The following DRC11 variants were observed in gnomAD, a reference collection of about 807,000 sequenced individuals.
The protein encoded by DRC11 is dynein regulatory complex subunit 11, also known as IQ and AAA domain-containing protein 1.
chr2:236,397,235 T>C, the DRC11 span, among the ~76,000 whole-genome samples: 1 of 152,250 alleles, frequency 6.6e-6, no homozygotes, highest in Non-Finnish European at 1.5e-5. The surrounding 1 kb of genome is among the most constrained non-coding windows in gnomAD (Gnocchi z 5.0). Flanking sequence ...ATGTCAGACA[T>C]GAGCCCCTGA....
At chr2:236,325,540 A>T in the DRC11 span, among the ~76,000 whole-genome samples, 11 of 151,246 alleles carry the variant, frequency 7.3e-5, no homozygotes. The surrounding 1 kb of genome is among the most constrained non-coding windows in gnomAD (Gnocchi z 4.4). Flanking sequence ...TTTACTTGGT[A>T]TTGCTAAATT....
the DRC11 span, chr2:236,367,411 G>C: frequency 4.0e-5 from 6 of 151,402 alleles, no homozygotes; most frequent in African/African-American, 1.2e-4. The surrounding 1 kb of genome is among the most constrained non-coding windows in gnomAD (Gnocchi z 4.8). Context: ...AAGTTCTGAA[G>C]TCTTAAGTTC....
chr2:236,330,548 GA>G, the DRC11 span, among the ~76,000 whole-genome samples: 1 of 152,170 alleles, frequency 6.6e-6, no homozygotes. The surrounding 1 kb of genome is among the most constrained non-coding windows in gnomAD (Gnocchi z 5.5). Flanking sequence ...AGATTTGATG[GA>G]AAAGTGATGT....
chr2:236,491,163 A>ATATATATATACACAG, the DRC11 span, among the ~76,000 whole-genome samples: 8 of 75,032 alleles, frequency 1.1e-4, no homozygotes, highest in East Asian at 5.6e-4. Context: ...CACACAGTAT[A>ATATATATATACACAG]TATATATATA....
chr2:236,459,498 T>TATAC, the DRC11 span, among the ~76,000 whole-genome samples: 1 of 123,156 alleles, frequency 8.1e-6, no homozygotes, highest in African/African-American at 2.9e-5. Context: ...TATACGTATA[T>TATAC]ATGTATACGT....
At chr2:236,409,683 T>C in the DRC11 span, among the ~76,000 whole-genome samples, 1 of 152,048 alleles carries the variant, frequency 6.6e-6, no homozygotes, top group African/African-American at 2.4e-5. Context: ...CCCTGTCTTG[T>C]GCCCGTTTTC....
the DRC11 span, among the ~76,000 whole-genome samples, chr2:236,327,359 A>G: frequency 0.32 from 48,176 of 150,788 alleles, 9,787 homozygotes; most frequent in African/African-American, 0.58. Context: ...CAGGTTCAAG[A>G]ATTCTCCTGC....
chr2:236,438,791 A>T, the DRC11 span, among the ~76,000 whole-genome samples: 2 of 152,090 alleles, frequency 1.3e-5, no homozygotes, highest in Non-Finnish European at 2.9e-5. Flanking sequence ...CACCACACCT[A>T]TTCCAAAATT....
At chr2:236,355,057 C>T in the DRC11 span, among the ~76,000 whole-genome samples, 3 of 152,190 alleles carry the variant, frequency 2.0e-5, no homozygotes, top group African/African-American at 7.2e-5. Context: ...TCCTATGTGT[C>T]GGGGTCTAGG....
the DRC11 span, among the ~76,000 whole-genome samples, chr2:236,357,792 A>G: frequency 1.6e-5 from 2 of 126,666 alleles, no homozygotes; most frequent in Non-Finnish European, 3.1e-5. Flanking sequence ...TTATATATAC[A>G]TATACTATAT....
the DRC11 span, among the ~76,000 whole-genome samples, chr2:236,307,410 A>T: frequency 6.6e-6 from 1 of 152,066 alleles, no homozygotes; most frequent in African/African-American, 2.4e-5. The surrounding 1 kb of genome is among the most constrained non-coding windows in gnomAD (Gnocchi z 7.0). Flanking sequence ...GTGCCTGCAG[A>T]CCCCTGTCCC....
the DRC11 span, among the ~76,000 whole-genome samples, chr2:236,362,175 C>G: frequency 6.6e-6 from 1 of 152,088 alleles, no homozygotes; most frequent in African/African-American, 2.4e-5. The surrounding 1 kb of genome is among the most constrained non-coding windows in gnomAD (Gnocchi z 5.7). Flanking sequence ...CCTCAAAATT[C>G]TCAGAAATTT....
the DRC11 span, among the ~76,000 whole-genome samples, chr2:236,407,091 T>C: frequency 6.6e-6 from 1 of 152,208 alleles, no homozygotes; most frequent in Non-Finnish European, 1.5e-5. Context: ...CATTTTACTT[T>C]CTGCTCATGC....
At chr2:236,357,000 T>TTATTCATATATTATATATCTATA in the DRC11 span, among the ~76,000 whole-genome samples, 1 of 67,864 alleles carries the variant, frequency 1.5e-5, no homozygotes, top group Non-Finnish European at 3.6e-5. Context: ...ATCTATATAT[T>TTATTCATATATTATATATCTATA]TATATATTCA....
the DRC11 span, among the ~76,000 whole-genome samples, chr2:236,492,022 C>T: frequency 5.8e-4 from 88 of 152,252 alleles, no homozygotes; most frequent in African/African-American, 1.9e-3. Context: ...ATGAGCTCAC[C>T]GCCTTACTTC....
chr2:236,499,732 C>G, the DRC11 span, among the ~76,000 whole-genome samples: 1 of 152,202 alleles, frequency 6.6e-6, no homozygotes, highest in African/African-American at 2.4e-5. This position sits in a 1 kb window ranked among gnomAD's most constrained non-coding sequence, Gnocchi z 4.7. Context: ...GCCTGGCCTC[C>G]TGCATTTTCT....
At chr2:236,491,135 ATATACAG>A in the DRC11 span, among the ~76,000 whole-genome samples, 35 of 109,030 alleles carry the variant, frequency 3.2e-4, no homozygotes, top group African/African-American at 1.1e-3. Context: ...ATATATATAT[ATATACAG>A]TATATATATA....
the DRC11 span, among the ~76,000 whole-genome samples, chr2:236,477,652 A>C: frequency 9.9e-5 from 15 of 152,138 alleles, no homozygotes; most frequent in African/African-American, 3.6e-4. Flanking sequence ...TTGGTAGGGA[A>C]TCCATCAGGT....
chr2:236,475,693 G>A, the DRC11 span, among the ~76,000 whole-genome samples: 18 of 152,134 alleles, frequency 1.2e-4, no homozygotes, highest in East Asian at 2.7e-3. The surrounding 1 kb of genome is among the most constrained non-coding windows in gnomAD (Gnocchi z 4.8). Context: ...CATTCTTGCC[G>A]GAATCCATTA....
Sources: gnomAD v4.1 joint callset for allele counts (sites outside exome capture counted in the v4.1 genomes callset) on GRCh38, gnomAD v4.1.1 for gene constraint, Gnocchi (gnomAD v3.1) non-coding constraint, MANE v1.5 for transcripts, NCBI Gene and HGNC (gene_info 2026-07-23, HGNC 2026-07-21) for gene names.